OR4K1: variants seen among roughly 807,000 people sequenced by gnomAD.
The protein encoded by OR4K1 is olfactory receptor family 4 subfamily K member 1.
Under a neutral mutation model 14.4 loss-of-function variants are expected in OR4K1, and 16 were observed. That is an observed-to-expected ratio of 1.11 (90% CI 0.75 to 1.68). OR4K1 has a LOEUF of 1.68. OR4K1 is among the 40% of genes most tolerant of loss of function. The pLI is 0.00. For synonymous variants in OR4K1, 181 were observed against 133.1 expected (o/e 1.36, Z -2.48); for missense variants, 548 against 376.9 (o/e 1.45, Z -3.76).
In OR4K1 at chr14:19,932,403, AC is replaced by A. The variant is rs367928892; in HGVS notation, c.-20+1261del. ...TTTCTCCCCCTTTGTCTTCTTGAGCACCCTTTTTCATCTCTTTCAATCTCCA... is the reference window on the plus strand; with the variant it reads ...TTTCTCCCCCTTTGTCTTCTTGAGCACCTTTTTCATCTCTTTCAATCTCCA... On this transcript the variant is annotated intron_variant, in intron 1 of 1. Transcript: ENST00000641172. Among the ~76,000 whole-genome samples, 191 of 150,888 alleles carry A rather than the reference AC, an allele frequency of 1.3e-3. 1 individual carries two copies. The highest frequency in any genetic ancestry group is 4.4e-3 in the African/African-American group (179 of 41,002).
At chr14:19,921,019 G>C in the OR4K1 span, 1 of 1,614,174 alleles carries the variant, frequency 6.2e-7, no homozygotes, top group East Asian at 2.2e-5. Flanking sequence ...ATCATGAGCC[G>C]AAGGACATGC....
chr14:19,932,602 A>G (rs1882209745), intron 1 of OR4K1, among the ~76,000 whole-genome samples: 2 of 152,252 alleles, frequency 1.3e-5, no homozygotes, highest in Non-Finnish European at 2.9e-5. Context: ...CCACTGTTCT[A>G]TCACTCATAA....
chr14:19,926,901 A>G (rs868274978), upstream of OR4K1, among the ~76,000 whole-genome samples: 3 of 152,272 alleles, frequency 2.0e-5, no homozygotes, highest in South Asian at 6.2e-4. Flanking sequence ...ACTGCTTACT[A>G]TTTAAAAATA....
chr14:19,935,538 A>C, intron 1 of OR4K1, 110 bp from the exon 2 acceptor site: 1 of 881,850 alleles, frequency 1.1e-6, no homozygotes, highest in Non-Finnish European at 1.7e-6. Context: ...ATGTAACCTA[A>C]TTAAATTGAC....
At chr14:19,927,480 T>C (rs1376161956), upstream of OR4K1, among the ~76,000 whole-genome samples, 1 of 152,248 alleles carries the variant, frequency 6.6e-6, no homozygotes, top group African/African-American at 2.4e-5. Flanking sequence ...GAAAGTAGTC[T>C]GGGAGGGAAG....
Position 19,932,983 on chromosome 14 carries a change from T to C in OR4K1, c.-20+1838T>C, listed in dbSNP as rs963736022. ...TATTTATAACACTTATAAATATATA[T>C]TTATAGCACTTATAAATATTATTAT... On this transcript the variant is annotated intron_variant, in intron 1 of 1. Transcript: ENST00000641172. Among the ~76,000 whole-genome samples, 1,210 of 148,974 alleles carry C rather than the reference T, an allele frequency of 8.1e-3. 10 individuals carry two copies. The highest frequency in any genetic ancestry group is 0.028 in the African/African-American group (1,150 of 40,860).
At chr14:19,934,161 A>G (rs1157278509) in intron 1 of OR4K1, among the ~76,000 whole-genome samples, 1 of 152,258 alleles carries the variant, frequency 6.6e-6, no homozygotes. Flanking sequence ...TATAAGGACA[A>G]ATAAATATCT....
chr14:19,930,388 AC>A (rs1215629263), upstream of OR4K1, among the ~76,000 whole-genome samples: 1 of 152,240 alleles, frequency 6.6e-6, no homozygotes, highest in African/African-American at 2.4e-5. Context: ...GTTGAAAAAG[AC>A]TGTTGATGTA....
the OR4K1 span, among the ~76,000 whole-genome samples, chr14:19,922,866 A>G: frequency 0.015 from 2,304 of 152,068 alleles, 43 homozygotes; most frequent in African/African-American, 0.053. Context: ...GTGTTGTAAA[A>G]TTTATCAGCT....
At chr14:19,928,266 A>T (rs1443497213), upstream of OR4K1, among the ~76,000 whole-genome samples, 1 of 152,200 alleles carries the variant, frequency 6.6e-6, no homozygotes, top group Non-Finnish European at 1.5e-5. Context: ...TCTAGGATTT[A>T]CTATGATCTT....
intron 1 of OR4K1, among the ~76,000 whole-genome samples, chr14:19,933,468 CAT>C (rs566753832): frequency 5.8e-4 from 89 of 152,312 alleles, no homozygotes; most frequent in Admixed American, 9.2e-4. Flanking sequence ...CATGTACACA[CAT>C]GATTAGAGAT....
Position 19,936,343 on chromosome 14 carries a change from G to C in OR4K1, c.677G>C (p.Arg226Pro). Reference protein sequence around the residue: ...ISYTIILIGVRCRSSSGSSKA... With the variant: ...ISYTIILIGVPCRSSSGSSKA... ...TACACCATCATTTTGATCGGTGTCC[G>C]ATGCAGGTCCTCCAGTGGGTCATCT... Residue 226 changes from arginine to proline, a missense_variant, in exon 2 of 2, where the codon CGA becomes CCA. Transcript: ENST00000641172. 1.2e-6 allele frequency: 2 copies of C among 1,614,244 alleles called. No individual in the cohort carries two copies. The highest frequency in any genetic ancestry group is 1.7e-6 in the Non-Finnish European group (2 of 1,180,050).
At chr14:19,920,890 G>A in the OR4K1 span, 3 of 1,614,060 alleles carry the variant, frequency 1.9e-6, no homozygotes, top group Non-Finnish European at 2.5e-6. Context: ...ATATCTTTCA[G>A]TGGCTGCATA....
At chr14:19,925,747 C>G in the OR4K1 span, among the ~76,000 whole-genome samples, 1 of 152,214 alleles carries the variant, frequency 6.6e-6, no homozygotes, top group Non-Finnish European at 1.5e-5. Flanking sequence ...TACAGAGAGA[C>G]GGTGTCATGG....
chr14:19,923,606 T>C, the OR4K1 span, among the ~76,000 whole-genome samples: 4 of 152,324 alleles, frequency 2.6e-5, no homozygotes, highest in South Asian at 8.3e-4. Context: ...AAATTACAAT[T>C]ATTTATGTAA....
intron 1 of OR4K1, among the ~76,000 whole-genome samples, chr14:19,934,135 G>A (rs1480131753): frequency 1.3e-5 from 2 of 152,242 alleles, no homozygotes; most frequent in Non-Finnish European, 2.9e-5. Flanking sequence ...ATGGAGGGGT[G>A]CAGAGCTTCA....
rs1030569841 is a variant in OR4K1, at chr14:19,936,130, A to G, written c.464A>G (p.His155Arg). The G allele has an allele frequency of 4.3e-6, 7 of 1,614,196 alleles. No individual in the cohort carries two copies. Among genetic ancestry groups the G allele is most frequent in the South Asian group, 2.2e-5 (2 of 91,078 alleles). ...ATTTCCTGGGCGGTGGGCGTTCTTC[A>G]TTCTGTGAGCCACTTGGCTTTTACA... ...VSISWAVGVL[H>R]SVSHLAFTVD... The change falls in exon 2 of 2, where the codon CAT (histidine) becomes CGT (arginine). Residue 155 changes from histidine to arginine, a missense_variant. Transcript: ENST00000641172.
chr14:19,926,970 G>T (rs1882075763), upstream of OR4K1, among the ~76,000 whole-genome samples: 1 of 152,344 alleles, frequency 6.6e-6, no homozygotes, highest in South Asian at 2.1e-4. Context: ...TGATTTCCAA[G>T]TGACTGCCTA....
the OR4K1 span, among the ~76,000 whole-genome samples, chr14:19,924,400 C>CAAAAAAAAAAAAAAAAAAAAAAA: frequency 7.2e-4 from 57 of 79,256 alleles, 1 homozygote; most frequent in African/African-American, 2.1e-3. Flanking sequence ...AACTCCGTAT[C>CAAAAAAAAAAAAAAAAAAAAAAA]AAAAAAAAAA....
Sources: gnomAD v4.1 joint callset for allele counts (sites outside exome capture counted in the v4.1 genomes callset) on GRCh38, gnomAD v4.1.1 for gene constraint, MANE v1.5 for transcripts, NCBI Gene and HGNC (gene_info 2026-07-23, HGNC 2026-07-21) for gene names.